PTPRT: variants seen among roughly 807,000 people sequenced by gnomAD.
PTPRT encodes the protein protein tyrosine phosphatase receptor type T.
PTPRT carries 56 observed loss-of-function variants against 176.8 expected under a neutral mutation model. That is an observed-to-expected ratio of 0.32 (90% CI 0.26 to 0.40). The LOEUF is 0.40. Ranked by LOEUF, PTPRT falls within the 10% of genes least tolerant of loss-of-function variation. The pLI is 1.00. For synonymous variants in PTPRT, 783 were observed against 739.0 expected, an observed-to-expected ratio of 1.06 and a Z score of -0.96; for missense variants, 1,540 against 1,908.2, an observed-to-expected ratio of 0.81 and a Z score of 3.60.
intron 1 of PTPRT, among the ~76,000 whole-genome samples, chr20:42,985,004 G>A (rs571758672): frequency 6.6e-5 from 10 of 152,336 alleles, no homozygotes; most frequent in Admixed American, 5.9e-4. Flanking sequence ...GGCAATTCAG[G>A]AAGAAGGAAT....
At position 42,472,515 on chromosome 20, in the gene PTPRT, G is replaced by T. The variant is rs1328848371; in HGVS notation, c.1201C>A (p.Arg401=). 6.2e-7 allele frequency: 1 copy of T among 1,614,188 alleles called. No homozygotes were observed. The change falls in exon 8 of 31, where the codon CGG becomes AGG. Residue 401 remains arginine (R), a synonymous_variant. Coordinates refer to ENST00000373187, the MANE Select transcript of PTPRT (RefSeq NM_007050.6). The stretch of plus-strand genomic sequence containing the variant: ...GGCTCCCACTGCAGGGTCAGCTGCC[G>T]GGCTCTGATGTCTACGATTTCCACG... ...QNVEIVDIRA[R]QLTLQWEPFG... is the part of the protein sequence containing the mutation.
At chr20:42,679,545 A>G (rs73266052) in intron 6 of PTPRT, among the ~76,000 whole-genome samples, 11,817 of 152,206 alleles carry the variant, frequency 0.078, 1,399 homozygotes, top group African/African-American at 0.26. Context: ...GAAATGGAAG[A>G]AAATGGAGAA....
intron 16 of PTPRT, among the ~76,000 whole-genome samples, chr20:42,194,883 C>T (rs1318473331): frequency 2.0e-5 from 3 of 152,080 alleles, no homozygotes. Context: ...ATAGATGTCA[C>T]AGAACTTAGC....
intron 16 of PTPRT, among the ~76,000 whole-genome samples, chr20:42,178,684 C>G (rs6016708): frequency 0.3 from 46,282 of 151,770 alleles, 8,090 homozygotes; most frequent in East Asian, 0.37. Context: ...TGAGGTTGCA[C>G]TCAAGCTGAC....
intron 7 of PTPRT, among the ~76,000 whole-genome samples, chr20:42,651,359 A>G (rs1350620721): frequency 2.0e-5 from 3 of 152,204 alleles, no homozygotes; most frequent in African/African-American, 7.2e-5. Context: ...ATCAATGGAC[A>G]TTTGTTTAAC....
At chr20:42,524,617 T>G (rs1015139536) in intron 7 of PTPRT, among the ~76,000 whole-genome samples, 12 of 152,170 alleles carry the variant, frequency 7.9e-5, no homozygotes, top group African/African-American at 2.9e-4. Flanking sequence ...TCTTTCTTAT[T>G]TATCCCGCTT....
intron 12 of PTPRT, among the ~76,000 whole-genome samples, chr20:42,297,647 G>T (rs2057407098): frequency 6.6e-6 from 1 of 152,134 alleles, no homozygotes; most frequent in Non-Finnish European, 1.5e-5. Context: ...AATTATAACA[G>T]TGTGGGGCTG....
Position 42,503,870 on chromosome 20 carries a change from T to C in PTPRT, c.1154-31308A>G, listed in dbSNP as rs377235046. ...CCTTCAGAGCCAGTAAACTTACTGATTCTACCGTTTGGAATGATTTTCTCA... is the reference window on the plus strand; with the variant it reads ...CCTTCAGAGCCAGTAAACTTACTGACTCTACCGTTTGGAATGATTTTCTCA... On this transcript the variant is annotated intron_variant, in intron 7 of 30. Coordinates refer to ENST00000373187, the MANE Select transcript of PTPRT (RefSeq NM_007050.6). Among the ~76,000 whole-genome samples, 472 of 152,216 alleles carry C rather than the reference T, an allele frequency of 3.1e-3. 22 individuals carry two copies. The South Asian group carries it at 0.092, about 30-fold the overall frequency.
intron 9 of PTPRT, among the ~76,000 whole-genome samples, chr20:42,382,098 C>T (rs2058703109): frequency 6.6e-6 from 1 of 152,174 alleles, no homozygotes; most frequent in Admixed American, 6.5e-5. Flanking sequence ...ATCAACTTGG[C>T]TTTCCAAGCT....
chr20:42,311,691 C>G (rs1027319452), intron 12 of PTPRT, among the ~76,000 whole-genome samples: 1 of 144,002 alleles, frequency 6.9e-6, no homozygotes, highest in Non-Finnish European at 1.6e-5. Flanking sequence ...CACTTTTTTA[C>G]CCCCCCGTCA....
chr20:42,418,792 C>A (rs1019678581), intron 9 of PTPRT, among the ~76,000 whole-genome samples: 5 of 152,138 alleles, frequency 3.3e-5, no homozygotes, highest in African/African-American at 1.2e-4. Context: ...ATACCCCAGT[C>A]TTGACCACAG....
At chr20:42,793,200 A>ATT (rs1184218932) in intron 2 of PTPRT, among the ~76,000 whole-genome samples, 2 of 152,192 alleles carry the variant, frequency 1.3e-5, no homozygotes, top group Non-Finnish European at 2.9e-5. Flanking sequence ...TTGTGTGTAA[A>ATT]TATAAGGGAT....
At chr20:42,837,484 T>G (rs1320203007) in intron 2 of PTPRT, among the ~76,000 whole-genome samples, 1 of 152,154 alleles carries the variant, frequency 6.6e-6, no homozygotes, top group Admixed American at 6.5e-5. Context: ...GCACCACCCA[T>G]GCCCTGCCAT....
chr20:42,760,198 C>T (rs1420869494), intron 5 of PTPRT, among the ~76,000 whole-genome samples: 5 of 152,132 alleles, frequency 3.3e-5, no homozygotes, highest in Admixed American at 2.6e-4. Flanking sequence ...AGCCGACATG[C>T]CCAGTGCTCT....
chr20:43,036,639 C>T (rs552656328), intron 1 of PTPRT, among the ~76,000 whole-genome samples: 47 of 152,154 alleles, frequency 3.1e-4, no homozygotes, highest in African/African-American at 1.1e-3. Flanking sequence ...CTGAAGTTAG[C>T]TATGAAAGGT....
intron 6 of PTPRT, among the ~76,000 whole-genome samples, chr20:42,752,986 AG>A (rs1172418603): frequency 4.6e-5 from 7 of 152,068 alleles, no homozygotes; most frequent in African/African-American, 1.7e-4. Context: ...GGGTCGGGGC[AG>A]GGGGTGAGGG....
intron 2 of PTPRT, among the ~76,000 whole-genome samples, chr20:42,841,629 ACACACACACAC>A (rs1444675911): frequency 3.3e-5 from 5 of 151,240 alleles, no homozygotes; most frequent in South Asian, 2.1e-4. Context: ...ACACACACAC[ACACACACACAC>A]ACACACACAC....
At position 42,752,408 on chromosome 20, in the gene PTPRT, G is replaced by A. The variant is rs117554327; in HGVS notation, c.859+4054C>T. 4.6e-5 allele frequency among the ~76,000 whole-genome samples: 7 copies of A among 152,314 alleles called. No homozygotes were observed. In the East Asian group the frequency reaches 1.4e-3, roughly 29 times the overall value. The stretch of plus-strand genomic sequence containing the variant: ...CTGAGGCCCCAAGAGGTTAGATCAT[G>A]TTCAAGGTCACAGAGTTGGGACAAG... On this transcript the variant is annotated intron_variant, in intron 6 of 30. Transcript: ENST00000373187.
chr20:42,088,595 C>T (rs1427633610), intron 27 of PTPRT, among the ~76,000 whole-genome samples: 2 of 152,212 alleles, frequency 1.3e-5, no homozygotes, highest in African/African-American at 4.8e-5. Flanking sequence ...AGTTGGCATA[C>T]TATTGCCCAC....
Sources: gnomAD v4.1 joint callset for allele counts (sites outside exome capture counted in the v4.1 genomes callset) on GRCh38, gnomAD v4.1.1 for gene constraint, MANE v1.5 for transcripts, NCBI Gene and HGNC (gene_info 2026-07-23, HGNC 2026-07-21) for gene names.